Variants in ABCB5 observed in about 807,000 individuals in gnomAD.
ABCB5 encodes ATP binding cassette subfamily B member 5.
A neutral mutation model predicts 144.2 loss-of-function variants in ABCB5; 155 were observed. That is an observed-to-expected ratio of 1.08 (90% CI 0.94 to 1.23). The LOEUF is 1.23. Ranked by LOEUF, ABCB5 falls within the 50% of genes most tolerant of loss-of-function variation. The pLI is 0.00. For missense variants in ABCB5, 1,830 were observed against 1,520.8 expected (o/e 1.20, Z -3.38); for synonymous variants, 610 against 528.6 (o/e 1.15, Z -2.11).
rs1376966626 is a variant in ABCB5, at chr7:20,756,671, T to G, written c.*1047T>G. The G allele has an allele frequency of 1.3e-5, 2 of 152,152 alleles. No homozygotes were observed. The allele number at this position is 152,152 out of a possible 1,614,324, so 9.4% of individuals were successfully genotyped here. A position where few individuals can be genotyped will look rare whatever the true frequency, so the allele number is the denominator to read the frequency against. On this transcript the variant is annotated 3_prime_UTR_variant, in exon 28 of 28. Coordinates refer to ENST00000404938, the MANE Select transcript of ABCB5 (RefSeq NM_001163941.2). The stretch of plus-strand genomic sequence containing the variant: ...AAATAATAAATAAGAGCTAATTTTA[T>G]TGTGGGTGAAAATTTTTAAACGTCT...
At chr7:20,737,396 A>G (rs1562586655) in intron 23 of ABCB5, among the ~76,000 whole-genome samples, 1 of 152,024 alleles carries the variant, frequency 6.6e-6, no homozygotes, top group Admixed American at 6.6e-5. Context: ...CCTTTGGGTC[A>G]TTTACCTCCC....
rs550979277 is a variant in ABCB5 at position 20,722,884 on chromosome 7, A to C, written c.2422-132A>C. 272 of 669,660 alleles carry C rather than the reference A, an allele frequency of 4.1e-4. 3 individuals are homozygous for C. Among genetic ancestry groups the C allele is most frequent in the South Asian group, 3.8e-3 (166 of 43,326 alleles). The allele number at this position is 669,660 out of a possible 1,614,324, so 41.5% of individuals were successfully genotyped here. A position where few individuals can be genotyped will look rare whatever the true frequency, so the allele number is the denominator to read the frequency against. On this transcript the variant is annotated intron_variant, in intron 20 of 27. Coordinates refer to ENST00000404938, the MANE Select transcript of ABCB5 (RefSeq NM_001163941.2). ...GTATCTTATTTAATCTCAAAGTATA[A>C]ATTCAAGGCATAAATTTAAGTATAA...
chr7:20,710,570 T>C (rs1366651906), intron 20 of ABCB5, among the ~76,000 whole-genome samples: 3 of 149,718 alleles, frequency 2.0e-5, no homozygotes, highest in Admixed American at 6.7e-5. Context: ...AGATTTGGCC[T>C]GTAATCTATA....
chr7:20,753,438 C>G lies in ABCB5; in HGVS notation c.3508C>G (p.Leu1170Val). The change falls in exon 27 of 28, where the codon CTT (leucine) becomes GTT (valine). Residue 1170 changes from leucine (L) to valine (V), a missense_variant. By Grantham distance (32) the Leu-to-Val change is conservative. Coordinates refer to ENST00000404938, the MANE Select transcript of ABCB5 (RefSeq NM_001163941.2). ...QKQRLAIARA[L>V]LQKPKILLLD... is the part of the protein sequence containing the mutation. ...ACAAAGACTAGCTATTGCAAGGGCT[C>G]TTCTCCAAAAACCCAAAATTTTATT... 6.2e-7 allele frequency: 1 copy of G among 1,614,144 alleles called. No individual in the cohort carries two copies. The highest frequency in any genetic ancestry group is 8.5e-7 in the Non-Finnish European group (1 of 1,180,004).
intron 20 of ABCB5, among the ~76,000 whole-genome samples, chr7:20,715,700 G>T (rs545584660): frequency 1.3e-5 from 2 of 151,386 alleles, no homozygotes; most frequent in East Asian, 3.9e-4. Flanking sequence ...ATGAGCCACC[G>T]CACCCAGCCT....
chr7:20,651,101 T>A (rs1457472070), intron 12 of ABCB5, among the ~76,000 whole-genome samples: 1 of 152,204 alleles, frequency 6.6e-6, no homozygotes, highest in Non-Finnish European at 1.5e-5. Flanking sequence ...TGAAGTTTTT[T>A]GTATGTGTCT....
chr7:20,693,228 A>G (rs1469662471), intron 16 of ABCB5, among the ~76,000 whole-genome samples: 3 of 152,024 alleles, frequency 2.0e-5, no homozygotes, highest in Non-Finnish European at 4.4e-5. Flanking sequence ...TTAACCAGGA[A>G]TAGTGGCATG....
intron 23 of ABCB5, among the ~76,000 whole-genome samples, chr7:20,735,829 G>A (rs1291511007): frequency 1.3e-5 from 2 of 152,162 alleles, no homozygotes; most frequent in African/African-American, 4.8e-5. Context: ...TGTCTTCTGG[G>A]CAAATTGCAT....
intron 23 of ABCB5, among the ~76,000 whole-genome samples, chr7:20,738,553 C>A (rs1782460458): frequency 1.3e-5 from 2 of 152,186 alleles, no homozygotes; most frequent in Non-Finnish European, 2.9e-5. Context: ...TCTGTCCTAA[C>A]TACATTATAT....
At chr7:20,668,823 C>T (rs1785335565) in intron 14 of ABCB5, among the ~76,000 whole-genome samples, 1 of 132,336 alleles carries the variant, frequency 7.6e-6, no homozygotes, top group South Asian at 2.7e-4. Flanking sequence ...CTCTGCCCGG[C>T]CAGCCGCCCC....
chr7:20,745,389 A>G lies in ABCB5; in HGVS notation c.3380A>G (p.Glu1127Gly). 1 of 1,614,234 alleles carries G rather than the reference A, an allele frequency of 6.2e-7. No homozygotes were observed. The highest frequency in any genetic ancestry group is 8.5e-7 in the Non-Finnish European group (1 of 1,180,034). Residue 1127 changes from glutamate to glycine, a missense_variant, in exon 26 of 28, where the codon GAA becomes GGA. By Grantham distance (98) the Glu-to-Gly change is moderately conservative. Transcript: ENST00000404938. ...GTGGTGCCATTAGATGAGATCAAAG[A>G]AGCCGCAAATGCAGCAAATATCCAT... The part of the protein sequence containing the change: ...SRVVPLDEIK[E>G]AANAANIHSF...
intron 23 of ABCB5, among the ~76,000 whole-genome samples, chr7:20,733,810 T>G (rs114619483): frequency 0.02 from 2,997 of 152,172 alleles, 106 homozygotes; most frequent in African/African-American, 0.068. Flanking sequence ...GGCTAATTTC[T>G]GCATGTTTTG....
intron 19 of ABCB5, among the ~76,000 whole-genome samples, chr7:20,703,616 T>G (rs1007729404): frequency 2.0e-3 from 10 of 4,990 alleles, no homozygotes; most frequent in African/African-American, 4.1e-3. Context: ...TAAGCCAAGA[T>G]TTTTTTGTTC....
intron 23 of ABCB5, among the ~76,000 whole-genome samples, chr7:20,732,702 T>A (rs1452964512): frequency 6.6e-6 from 1 of 152,200 alleles, no homozygotes; most frequent in African/African-American, 2.4e-5. Flanking sequence ...ACCAGGTGCT[T>A]TGGCAGGAGG....
At chr7:20,707,792 A>G (rs1019394542) in intron 20 of ABCB5, among the ~76,000 whole-genome samples, 1 of 130,604 alleles carries the variant, frequency 7.7e-6, no homozygotes, top group African/African-American at 2.8e-5. Flanking sequence ...GACAATGGTA[A>G]CCTCATTTCT....
At chr7:20,630,080 T>C (rs2128018768) in intron 4 of ABCB5, among the ~76,000 whole-genome samples, 2 of 152,322 alleles carry the variant, frequency 1.3e-5, no homozygotes, top group Admixed American at 1.3e-4. Flanking sequence ...GGTGACATTA[T>C]TCTTTAGGTT....
At chr7:20,659,204 C>G (rs1784915314) in intron 14 of ABCB5, 2 of 1,604,794 alleles carry the variant, frequency 1.2e-6, no homozygotes, top group African/African-American at 1.3e-5. Context: ...GCACATACCT[C>G]AAGGCCATAT....
intron 24 of ABCB5, among the ~76,000 whole-genome samples, 194 bp downstream of exon 24, chr7:20,739,333 C>T (rs997035938): frequency 3.3e-5 from 5 of 151,466 alleles, no homozygotes; most frequent in African/African-American, 1.2e-4. Context: ...AACAAACCTG[C>T]GCATATACTC....
chr7:20,749,761 TGGG>T (rs1446404444), intron 26 of ABCB5, among the ~76,000 whole-genome samples: 2 of 151,978 alleles, frequency 1.3e-5, no homozygotes, highest in Non-Finnish European at 2.9e-5. Context: ...CACTTCTGGC[TGGG>T]GGTTCAGAGG....
Sources: gnomAD v4.1 joint callset for allele counts (sites outside exome capture counted in the v4.1 genomes callset) on GRCh38, gnomAD v4.1.1 for gene constraint, MANE v1.5 for transcripts, NCBI Gene and HGNC (gene_info 2026-07-23, HGNC 2026-07-21) for gene names.